Variants in TMCO4 observed in about 807,000 individuals in gnomAD.
TMCO4 encodes transmembrane and coiled-coil domain-containing protein 4.
A neutral mutation model predicts 64.7 loss-of-function variants in TMCO4; 58 were observed. That is an observed-to-expected ratio of 0.90 (90% CI 0.73 to 1.12). The LOEUF is 1.12. Among genes scored for constraint, TMCO4 ranks in the 50% most tolerant of loss-of-function variants. The pLI, the probability that TMCO4 is intolerant of heterozygous loss-of-function variation, is 0.00. For missense variants in TMCO4, 780 were observed against 825.9 expected, an observed-to-expected ratio of 0.94 and a Z score of 0.68; for synonymous variants, 325 against 346.1, an observed-to-expected ratio of 0.94 and a Z score of 0.68.
Position 19,683,433 on chromosome 1 carries a change from G to A in TMCO4, c.1512C>T (p.His504=). 2 of 1,612,760 alleles carry A rather than the reference G, an allele frequency of 1.2e-6. No individual in the cohort carries two copies. The highest frequency in any genetic ancestry group is 1.1e-5 in the South Asian group (1 of 91,046). Residue 504 remains histidine (H), a synonymous_variant, in exon 16 of 16, where the codon CAC becomes CAT. Transcript: ENST00000294543. ...CATCCATCTGCTTGGCATAGTCCAG[G>A]TGGCCGCTGACCTGCAGGAGACAGT... The part of the protein sequence containing the change: ...NVDLTSVVSG[H]LDYAKQMDAI...
rs61096041 is a variant in TMCO4, at chr1:19,685,714, T to C, written c.1501-2270A>G. On this transcript the variant is annotated intron_variant, in intron 15 of 15. Transcript: ENST00000294543. The stretch of plus-strand genomic sequence containing the variant: ...GATTTGAATCCAGGCCTGTTTCTTT[T>C]TTTTTTTTTTTTTTTTTGAGACAGA... Among the ~76,000 whole-genome samples the C allele has an allele frequency of 2.9e-3, 258 of 89,466 alleles. 4 individuals carry two copies. The highest frequency in any genetic ancestry group is 4.3e-3 in the Non-Finnish European group (191 of 44,072). 58.7% of individuals were successfully genotyped at this position (89,466 alleles called of 152,430 possible).
At chr1:19,752,896 G>C (rs934136540) in intron 7 of TMCO4, among the ~76,000 whole-genome samples, 2 of 151,406 alleles carry the variant, frequency 1.3e-5, no homozygotes, top group Non-Finnish European at 2.9e-5. Flanking sequence ...AGGCATTCAG[G>C]AAAAATCTGA....
At chr1:19,787,450 G>A (rs865774502) in intron 2 of TMCO4, among the ~76,000 whole-genome samples, 6 of 152,212 alleles carry the variant, frequency 3.9e-5, no homozygotes, top group South Asian at 2.1e-4. Flanking sequence ...GCACCCTGTC[G>A]CCTCCACATC....
intron 13 of TMCO4, among the ~76,000 whole-genome samples, chr1:19,716,397 T>C (rs11589815): frequency 6.8e-6 from 1 of 147,144 alleles, no homozygotes; most frequent in East Asian, 2.0e-4. Context: ...TTTTTTTTTT[T>C]GTTTTTGCAT....
intron 2 of TMCO4, among the ~76,000 whole-genome samples, chr1:19,794,801 A>G (rs2044224521): frequency 6.6e-6 from 1 of 152,256 alleles, no homozygotes; most frequent in Non-Finnish European, 1.5e-5. Flanking sequence ...ACACAGTGGA[A>G]CATTATTCAG....
chr1:19,749,781 A>G (rs1326271505), intron 7 of TMCO4, among the ~76,000 whole-genome samples: 1 of 152,232 alleles, frequency 6.6e-6, no homozygotes, highest in Non-Finnish European at 1.5e-5. Context: ...ACCCAGAACC[A>G]GTACAATGTG....
chr1:19,695,216 C>G (rs1486711720), intron 14 of TMCO4, among the ~76,000 whole-genome samples: 1 of 152,224 alleles, frequency 6.6e-6, no homozygotes, highest in African/African-American at 2.4e-5. Context: ...CTGGCCCCAG[C>G]CAAACACTGC....
At chr1:19,756,356 A>T (rs10917532) in intron 6 of TMCO4, among the ~76,000 whole-genome samples, 1 of 152,074 alleles carries the variant, frequency 6.6e-6, no homozygotes, top group Admixed American at 6.5e-5. Flanking sequence ...GCCCAAAGAC[A>T]TTGCTGGTGG....
intron 15 of TMCO4, among the ~76,000 whole-genome samples, chr1:19,689,188 C>G (rs1232287113): frequency 1.3e-5 from 2 of 152,240 alleles, no homozygotes; most frequent in Non-Finnish European, 2.9e-5. Flanking sequence ...TTGCCAGCAA[C>G]TTCTCCAGCA....
chr1:19,773,796 C>A (rs533047481), intron 4 of TMCO4, among the ~76,000 whole-genome samples: 3 of 152,260 alleles, frequency 2.0e-5, no homozygotes, highest in Admixed American at 2.0e-4. Flanking sequence ...AGAGGCTCAA[C>A]TACATGAGAC....
At chr1:19,772,999 G>A (rs1046199900) in intron 4 of TMCO4, among the ~76,000 whole-genome samples, 3 of 152,130 alleles carry the variant, frequency 2.0e-5, no homozygotes, top group Non-Finnish European at 4.4e-5. Context: ...AGACCAGCCT[G>A]GCCAACATGG....
At chr1:19,736,124 TG>T (rs2095453282) in intron 13 of TMCO4, among the ~76,000 whole-genome samples, 1 of 152,226 alleles carries the variant, frequency 6.6e-6, no homozygotes, top group Admixed American at 6.5e-5. Context: ...TTGCTGCTTT[TG>T]GCCACCGTGT....
chr1:19,722,838 T>C (rs2095391496), intron 13 of TMCO4, among the ~76,000 whole-genome samples: 1 of 152,074 alleles, frequency 6.6e-6, no homozygotes, highest in Non-Finnish European at 1.5e-5. Flanking sequence ...GTGCATCCAG[T>C]GTCAGCGGCA....
chr1:19,738,345 C>G (rs959506225), intron 12 of TMCO4: 1 of 152,242 alleles, frequency 6.6e-6, no homozygotes, highest in Non-Finnish European at 1.5e-5. Context: ...ACTGGGCACA[C>G]GGCCACCCAG....
At position 19,682,864 on chromosome 1, in the gene TMCO4, C is replaced by T; in HGVS notation, c.*176G>A. The T allele has an allele frequency of 1.0e-6, 1 of 970,122 alleles. No homozygotes were observed. The highest frequency in any genetic ancestry group is 1.6e-6 in the Non-Finnish European group (1 of 644,066). The allele number at this position is 970,122 out of a possible 1,614,324, so 60.1% of individuals were successfully genotyped here. A position where few individuals can be genotyped will look rare whatever the true frequency, so the allele number is the denominator to read the frequency against. On this transcript the variant is annotated 3_prime_UTR_variant, in exon 16 of 16. Transcript: ENST00000294543. ...GCAGCTTCCCAAGGGTGGGCGTGTT[C>T]TCTCCTCCAAATTCCCCTTCCTTCC...
intron 12 of TMCO4, 52 bp downstream of exon 12, chr1:19,739,772 C>A: frequency 6.3e-7 from 1 of 1,585,700 alleles, no homozygotes; most frequent in Non-Finnish European, 8.6e-7. Flanking sequence ...CAAGTCAGCA[C>A]CTGACTTCCC....
At position 19,762,731 on chromosome 1, in the gene TMCO4, G is replaced by C. The variant is rs188244741; in HGVS notation, c.383-6965C>G. On this transcript the variant is annotated intron_variant, in intron 6 of 15. Transcript: ENST00000294543. ...TTTCCAAATCCCCCAAATCAGGAGC[G>C]GGGGGCAGGACAGCCTCCTGTTGTA... Among the ~76,000 whole-genome samples, 20 of 152,312 alleles carry C rather than the reference G, an allele frequency of 1.3e-4. No individual in the cohort carries two copies. The East Asian group carries it at 2.9e-3, about 22-fold the overall frequency.
At chr1:19,710,270 A>ATTTTT (rs11310431) in intron 13 of TMCO4, among the ~76,000 whole-genome samples, 1 of 138,450 alleles carries the variant, frequency 7.2e-6, no homozygotes, top group Non-Finnish European at 1.5e-5. Context: ...CCATGCCCCC[A>ATTTTT]TTTTTTTTTT....
At chr1:19,727,382 C>T (rs987467908) in intron 13 of TMCO4, among the ~76,000 whole-genome samples, 4 of 152,228 alleles carry the variant, frequency 2.6e-5, no homozygotes, top group Admixed American at 6.5e-5. Context: ...ATGTACACCA[C>T]TGCTGATCCC....
Sources: gnomAD v4.1 joint callset for allele counts (sites outside exome capture counted in the v4.1 genomes callset) on GRCh38, gnomAD v4.1.1 for gene constraint, MANE v1.5 for transcripts, NCBI Gene and HGNC (gene_info 2026-07-23, HGNC 2026-07-21) for gene names.